Variants in CDH12 observed in about 807,000 individuals in gnomAD.
CDH12 encodes cadherin-12.
CDH12 carries 41 observed loss-of-function variants against 74.1 expected under a neutral mutation model. The observed-to-expected ratio is 0.55, with a 90% CI of 0.43 to 0.72. The LOEUF is 0.72. CDH12 is among the 30% of genes least tolerant of loss of function. CDH12 has a pLI of 0.00. For missense variants in CDH12, 945 were observed against 977.2 expected (o/e 0.97, Z 0.44); for synonymous variants, 399 against 355.0 (o/e 1.12, Z -1.39).
chr5:22,424,422 C>A (rs994103895), intron 2 of CDH12, among the ~76,000 whole-genome samples: 5 of 152,168 alleles, frequency 3.3e-5, no homozygotes, highest in African/African-American at 1.2e-4. Context: ...GGCCCAGTTA[C>A]CCCTGCTGAT....
intron 1 of CDH12, among the ~76,000 whole-genome samples, chr5:22,720,830 G>GTGGCA (rs2126988893): frequency 6.6e-6 from 1 of 152,338 alleles, no homozygotes; most frequent in East Asian, 1.9e-4. Flanking sequence ...AAAGAGACTG[G>GTGGCA]TGGCATTTTG....
intron 3 of CDH12, among the ~76,000 whole-genome samples, chr5:22,333,354 G>C (rs986458453): frequency 1.3e-5 from 2 of 152,000 alleles, no homozygotes; most frequent in Non-Finnish European, 2.9e-5. Flanking sequence ...TTAGGACAAA[G>C]AGCTAATGCA....
chr5:22,151,622 T>C (rs1409997393), intron 4 of CDH12, among the ~76,000 whole-genome samples: 2 of 152,144 alleles, frequency 1.3e-5, no homozygotes, highest in Non-Finnish European at 2.9e-5. Context: ...GTTAGGACTA[T>C]AGGTCCTCAT....
chr5:22,556,379 G>A (rs183981952), intron 1 of CDH12, among the ~76,000 whole-genome samples: 141 of 152,132 alleles, frequency 9.3e-4, no homozygotes, highest in Admixed American at 1.8e-3. Flanking sequence ...AATACAACTT[G>A]ATGGATTAAT....
chr5:22,463,828 TA>T (rs1416854456), intron 2 of CDH12, among the ~76,000 whole-genome samples: 1 of 152,182 alleles, frequency 6.6e-6, no homozygotes, highest in Non-Finnish European at 1.5e-5. Flanking sequence ...AGATAATTTT[TA>T]AAAACCCTAT....
chr5:22,464,262 C>T (rs561926938), intron 2 of CDH12, among the ~76,000 whole-genome samples: 2 of 152,230 alleles, frequency 1.3e-5, no homozygotes, highest in African/African-American at 2.4e-5. Flanking sequence ...TCCATTAAAC[C>T]CCTTTTCCTG....
intron 1 of CDH12, among the ~76,000 whole-genome samples, chr5:22,813,449 T>C (rs1196338589): frequency 6.6e-6 from 1 of 152,196 alleles, no homozygotes; most frequent in Admixed American, 6.5e-5. Context: ...CTTTTTCATC[T>C]CTGTGGTGAA....
intron 5 of CDH12, among the ~76,000 whole-genome samples, chr5:22,017,751 T>C (rs903943820): frequency 6.6e-6 from 1 of 151,666 alleles, no homozygotes; most frequent in African/African-American, 2.4e-5. Context: ...AAAATACCAG[T>C]TTCCCTCCAT....
rs145337122 is a variant in CDH12, at chr5:21,879,374, C to T, written c.527-24584G>A. Among the ~76,000 whole-genome samples the T allele has an allele frequency of 2.8e-3, 408 of 147,842 alleles. 2 individuals carry two copies. The highest frequency in any genetic ancestry group is 0.011 in the African/African-American group (399 of 37,346). On this transcript the variant is annotated intron_variant, in intron 6 of 14. Coordinates refer to ENST00000382254, the MANE Select transcript of CDH12 (RefSeq NM_004061.5). ...ATCACTAAAGTATAATTTTGATGCA[C>T]ACTACAGGGAACAGTGAACTTAACC...
At chr5:22,413,880 T>C (rs1442943449) in intron 2 of CDH12, among the ~76,000 whole-genome samples, 3 of 152,144 alleles carry the variant, frequency 2.0e-5, no homozygotes, top group East Asian at 3.9e-4. Flanking sequence ...AGTTTTCTTT[T>C]CTTCACACAT....
intron 3 of CDH12, among the ~76,000 whole-genome samples, chr5:22,337,590 G>C (rs542158659): frequency 3.7e-4 from 57 of 152,260 alleles, no homozygotes; most frequent in African/African-American, 1.3e-3. Flanking sequence ...TTTGCCTGCT[G>C]CTATCCATGT....
At chr5:21,795,265 C>T (rs1746718269) in intron 10 of CDH12, among the ~76,000 whole-genome samples, 1 of 151,318 alleles carries the variant, frequency 6.6e-6, no homozygotes, top group African/African-American at 2.4e-5. Context: ...AATTGTGATC[C>T]AACATTTTGG....
At chr5:22,452,901 A>AAAAAAAAAAAAAT (rs1561415313) in intron 2 of CDH12, among the ~76,000 whole-genome samples, 7 of 126,004 alleles carry the variant, frequency 5.6e-5, no homozygotes, top group Admixed American at 3.2e-4. Flanking sequence ...AAAAAAAAAA[A>AAAAAAAAAAAAAT]AAATGAGTTA....
At chr5:22,684,758 T>C (rs1293486915) in intron 1 of CDH12, among the ~76,000 whole-genome samples, 1 of 152,182 alleles carries the variant, frequency 6.6e-6, no homozygotes, top group Non-Finnish European at 1.5e-5. Flanking sequence ...TAAACAGCTC[T>C]TCCCCACACA....
rs1402069976 is a variant in CDH12, at chr5:21,966,669, G to A, written c.526+8422C>T. Among the ~76,000 whole-genome samples the A allele has an allele frequency of 2.0e-5, 3 of 152,044 alleles. No homozygotes were observed. The East Asian group carries it at 5.8e-4, about 29-fold the overall frequency. ...TACTACACAATTTGGAAAACACTTG[G>A]CTCCCATAGAAATCAAAGCCTTCCT... On this transcript the variant is annotated intron_variant, in intron 6 of 14. Transcript: ENST00000382254.
At chr5:22,623,082 C>T (rs1274544959) in intron 1 of CDH12, among the ~76,000 whole-genome samples, 1 of 152,144 alleles carries the variant, frequency 6.6e-6, no homozygotes, top group Admixed American at 6.5e-5. Context: ...ATGATTATCT[C>T]AATAGATGCA....
intron 3 of CDH12, among the ~76,000 whole-genome samples, chr5:22,387,289 T>A (rs542954238): frequency 1.3e-5 from 2 of 152,142 alleles, no homozygotes; most frequent in East Asian, 3.9e-4. Context: ...TTTTTAAATT[T>A]AAAAAAATGT....
chr5:22,596,023 G>A (rs1006108573), intron 1 of CDH12, among the ~76,000 whole-genome samples: 1 of 151,386 alleles, frequency 6.6e-6, no homozygotes, highest in Admixed American at 6.6e-5. Flanking sequence ...TAGGAGAATG[G>A]CACGAACCCA....
At chr5:21,803,829 A>G (rs1224960408) in intron 9 of CDH12, among the ~76,000 whole-genome samples, 1 of 152,198 alleles carries the variant, frequency 6.6e-6, no homozygotes, top group Non-Finnish European at 1.5e-5. Flanking sequence ...AAATAAAGGA[A>G]GGATGGATAT....
Sources: allele counts gnomAD v4.1 joint callset (sites outside exome capture counted in the v4.1 genomes callset), GRCh38; gene constraint gnomAD v4.1.1; transcripts MANE v1.5; gene names NCBI Gene and HGNC (gene_info 2026-07-23, HGNC 2026-07-21).